The following RABGEF1 variants were observed in gnomAD, a reference collection of about 807,000 sequenced individuals.
RABGEF1 encodes rab5 GDP/GTP exchange factor.
RABGEF1 carries 26 observed loss-of-function variants against 57.3 expected under a neutral mutation model. That is an observed-to-expected ratio of 0.45 (90% CI 0.33 to 0.63). The LOEUF (loss-of-function observed/expected upper bound fraction) is 0.63. RABGEF1 is among the 20% of genes least tolerant of loss of function. RABGEF1 has a pLI of 0.02. For synonymous variants in RABGEF1, 185 were observed against 210.7 expected (o/e 0.88, Z 1.06); for missense variants, 464 against 607.6 (o/e 0.76, Z 2.48).
chr7:66,677,613 T>G (rs964437358), upstream of RABGEF1, among the ~76,000 whole-genome samples: 4 of 151,684 alleles, frequency 2.6e-5, no homozygotes, highest in East Asian at 7.8e-4. Context: ...ATACAAAAAA[T>G]TAGCTGGGCT....
At chr7:66,763,349 G>A (rs1054293494) in intron 1 of RABGEF1, among the ~76,000 whole-genome samples, 1 of 152,166 alleles carries the variant, frequency 6.6e-6, no homozygotes, top group Non-Finnish European at 1.5e-5. Context: ...TTCATGTGGT[G>A]AAGGTCTGAG....
intron 2 of RABGEF1, chr7:66,773,679 T>G (rs1371500235): frequency 2.2e-6 from 1 of 453,954 alleles, no homozygotes; most frequent in Admixed American, 2.4e-5. Flanking sequence ...TGTTTGTTTG[T>G]TTTTGAGACA....
chr7:66,696,917 G>A (rs181380273), intron 1 of RABGEF1, among the ~76,000 whole-genome samples: 60 of 152,286 alleles, frequency 3.9e-4, no homozygotes, highest in African/African-American at 1.3e-3. Context: ...GATGGTGGAT[G>A]CAGGAAGGGG....
chr7:66,661,036 G>A, the RABGEF1 span, among the ~76,000 whole-genome samples: 4 of 151,984 alleles, frequency 2.6e-5, no homozygotes, highest in South Asian at 2.1e-4. Context: ...CCAGCTGGGC[G>A]TGGTGGCCCA....
chr7:66,721,696 A>G (rs962756746), intron 2 of RABGEF1, among the ~76,000 whole-genome samples: 2 of 152,162 alleles, frequency 1.3e-5, no homozygotes, highest in African/African-American at 4.8e-5. Context: ...GGCTGGGTCC[A>G]GTGGCTCACG....
intron 1 of RABGEF1, among the ~76,000 whole-genome samples, chr7:66,766,070 T>G (rs902573777): frequency 7.2e-5 from 11 of 152,180 alleles, no homozygotes; most frequent in African/African-American, 2.7e-4. Context: ...TAGCTCAGAC[T>G]TTCAAAATAA....
chr7:66,731,909 C>T (rs1301926555), intron 2 of RABGEF1, among the ~76,000 whole-genome samples: 1 of 152,206 alleles, frequency 6.6e-6, no homozygotes, highest in African/African-American at 2.4e-5. Context: ...TCATCCGACG[C>T]CCCTGAGATG....
intron 3 of RABGEF1, among the ~76,000 whole-genome samples, chr7:66,778,840 G>A (rs1310884682): frequency 6.6e-6 from 1 of 152,170 alleles, no homozygotes; most frequent in Non-Finnish European, 1.5e-5. Context: ...ATAAGGCCAG[G>A]CACGGTGGCT....
intron 2 of RABGEF1, among the ~76,000 whole-genome samples, chr7:66,732,985 T>G (rs1797515131): frequency 6.6e-6 from 1 of 152,170 alleles, no homozygotes; most frequent in South Asian, 2.1e-4. Flanking sequence ...CGTATGACTG[T>G]GTCCCTTTAG....
chr7:66,668,297 A>G, the RABGEF1 span, among the ~76,000 whole-genome samples: 11 of 152,036 alleles, frequency 7.2e-5, no homozygotes, highest in East Asian at 1.9e-4. Flanking sequence ...GGGTCTGGCT[A>G]TGTTGCCCAG....
intron 1 of RABGEF1, among the ~76,000 whole-genome samples, chr7:66,770,634 C>G (rs1407514419): frequency 7.9e-5 from 12 of 152,154 alleles, no homozygotes. Context: ...CAGGCATACA[C>G]CATCACTCCC....
chr7:66,758,183 G>A (rs1803261069), intron 1 of RABGEF1, among the ~76,000 whole-genome samples: 2 of 152,122 alleles, frequency 1.3e-5, no homozygotes, highest in Non-Finnish European at 2.9e-5. Context: ...AGGATAGAGG[G>A]AAACTACTCA....
At chr7:66,692,237 C>T (rs1364212317) in intron 1 of RABGEF1, among the ~76,000 whole-genome samples, 1 of 152,198 alleles carries the variant, frequency 6.6e-6, no homozygotes, top group Admixed American at 6.5e-5. Context: ...CTGGGCAGTG[C>T]TGTTTCGGAA....
Position 66,704,906 on chromosome 7 carries a change from G to T in RABGEF1, c.-872-7261G>T, listed in dbSNP as rs905429006. On this transcript the variant is annotated intron_variant and NMD_transcript_variant, in intron 1 of 9. Transcript: ENST00000607882. ...AACTTTTCACTAGGCCTTGCAGCTG[G>T]CCTATATTTAGTTTTTTAAGAAACC... Among the ~76,000 whole-genome samples the T allele has an allele frequency of 2.0e-5, 3 of 152,126 alleles. No homozygotes were observed. In the East Asian group the frequency reaches 5.8e-4, roughly 29 times the overall value.
chr7:66,727,396 C>T (rs1468882609), intron 2 of RABGEF1, among the ~76,000 whole-genome samples: 1 of 152,234 alleles, frequency 6.6e-6, no homozygotes, highest in Non-Finnish European at 1.5e-5. Context: ...CACCCCATCC[C>T]ATGGCATTGC....
chr7:66,728,488 C>T (rs951609114), intron 2 of RABGEF1, among the ~76,000 whole-genome samples: 5 of 147,456 alleles, frequency 3.4e-5, no homozygotes, highest in Admixed American at 7.5e-5. Flanking sequence ...CCATGACCTT[C>T]GATTTCATGA....
chr7:66,743,526 G>T (rs1799493331), intron 1 of RABGEF1, among the ~76,000 whole-genome samples: 1 of 150,810 alleles, frequency 6.6e-6, no homozygotes, highest in South Asian at 2.1e-4. Context: ...TTTTGATACG[G>T]AATCTGGCTC....
At chr7:66,728,394 G>A (rs1168383328) in intron 2 of RABGEF1, among the ~76,000 whole-genome samples, 1 of 152,028 alleles carries the variant, frequency 6.6e-6, no homozygotes, top group Non-Finnish European at 1.5e-5. Context: ...CCTATGGCTG[G>A]GTCAGCTTCG....
chr7:66,758,078 A>G (rs1803235797), intron 1 of RABGEF1, among the ~76,000 whole-genome samples: 3 of 152,254 alleles, frequency 2.0e-5, no homozygotes, highest in African/African-American at 7.2e-5. Flanking sequence ...AATTGATTGG[A>G]TGTTTCCTGT....
Sources: gnomAD v4.1 joint callset for allele counts (sites outside exome capture counted in the v4.1 genomes callset) on GRCh38, gnomAD v4.1.1 for gene constraint, MANE v1.5 for transcripts, NCBI Gene and HGNC (gene_info 2026-07-23, HGNC 2026-07-21) for gene names.